Variants in PSMA1 observed in about 807,000 individuals in gnomAD.
PSMA1 encodes the protein proteasome 20S subunit alpha 1.
Under a neutral mutation model 38.4 loss-of-function variants are expected in PSMA1, and 3 were observed. The ratio of observed to expected loss-of-function variants is 0.08; its 90% CI spans 0.04 to 0.20. The LOEUF is 0.20. PSMA1 is among the 10% of genes least tolerant of loss of function. PSMA1 has a pLI of 1.00. For missense variants in PSMA1, 227 were observed against 325.3 expected (o/e 0.70, Z 2.32); for synonymous variants, 101 against 107.1 (o/e 0.94, Z 0.35).
In PSMA1 at chr11:14,576,690, G is replaced by A. The variant is rs919498597; in HGVS notation, c.21+34276C>T. On this transcript the variant is annotated intron_variant, in intron 2 of 10. Coordinates refer to the PSMA1 transcript ENST00000418988. ...CTGTTTTGTTTACTGTAGCCTTGTA[G>A]TATAGTTTGAAGTCAGATAGCATGA... Among the ~76,000 whole-genome samples the A allele has an allele frequency of 2.6e-5, 4 of 152,158 alleles. No homozygotes were observed. In the South Asian group the frequency reaches 6.2e-4, roughly 24 times the overall value.
chr11:14,627,558 T>A (rs1291064027), intron 1 of PSMA1, among the ~76,000 whole-genome samples: 1 of 152,174 alleles, frequency 6.6e-6, no homozygotes, highest in Non-Finnish European at 1.5e-5. Flanking sequence ...CTCCACCAAC[T>A]ACTAGATGTG....
At chr11:14,630,914 A>T (rs1206863337) in intron 1 of PSMA1, among the ~76,000 whole-genome samples, 2 of 152,108 alleles carry the variant, frequency 1.3e-5, no homozygotes, top group African/African-American at 4.8e-5. Context: ...GTGTCCAGGA[A>T]TTTATCCATT....
At chr11:14,608,330 T>C (rs1478846315) in intron 2 of PSMA1, among the ~76,000 whole-genome samples, 2 of 151,806 alleles carry the variant, frequency 1.3e-5, no homozygotes, top group Admixed American at 1.3e-4. Context: ...GCCTGGGTCA[T>C]ACAGCGAGAC....
chr11:14,630,773 C>G (rs1217402793), intron 1 of PSMA1, among the ~76,000 whole-genome samples: 1 of 152,002 alleles, frequency 6.6e-6, no homozygotes, highest in Non-Finnish European at 1.5e-5. Context: ...TGGTATAATT[C>G]GGCTGTGAAT....
At chr11:14,558,058 C>A (rs1851960791) in intron 2 of PSMA1, among the ~76,000 whole-genome samples, 1 of 151,946 alleles carries the variant, frequency 6.6e-6, no homozygotes, top group Admixed American at 6.6e-5. Context: ...TGCCGATAGT[C>A]AAATACAAAC....
upstream of PSMA1, among the ~76,000 whole-genome samples, chr11:14,521,885 C>T (rs952852204): frequency 6.6e-6 from 1 of 151,794 alleles, no homozygotes; most frequent in Admixed American, 6.6e-5. Flanking sequence ...TGGTTATTGT[C>T]GTATTTCTGA....
At chr11:14,517,386 G>A (rs550327071) in intron 4 of PSMA1, among the ~76,000 whole-genome samples, 2 of 152,282 alleles carry the variant, frequency 1.3e-5, no homozygotes, top group East Asian at 3.9e-4. Flanking sequence ...GGTCTCAAAC[G>A]ATATACATTG....
chr11:14,519,136 A>G (rs1851482778), intron 1 of PSMA1, 95 bp from the exon 2 acceptor site: 1 of 1,007,906 alleles, frequency 9.9e-7, no homozygotes, highest in Non-Finnish European at 1.6e-6. Context: ...TTTCCATTCA[A>G]TGTTAAGGCA....
chr11:14,527,932 C>T (rs1429545646), intron 2 of PSMA1, among the ~76,000 whole-genome samples: 1 of 152,108 alleles, frequency 6.6e-6, no homozygotes, highest in Non-Finnish European at 1.5e-5. Flanking sequence ...TATACTTACT[C>T]TTATTCTTGT....
chr11:14,508,561 CAAAAAA>C (rs60499933), intron 8 of PSMA1, among the ~76,000 whole-genome samples: 2 of 47,120 alleles, frequency 4.2e-5, no homozygotes, highest in Non-Finnish European at 7.1e-5. Flanking sequence ...CACTCCATCT[CAAAAAA>C]AAAAAAAAAA....
chr11:14,617,485 A>G (rs566069113), intron 1 of PSMA1, among the ~76,000 whole-genome samples: 69 of 152,146 alleles, frequency 4.5e-4, no homozygotes, highest in African/African-American at 1.6e-3. Context: ...TAAGCACTCA[A>G]TAATTGCTTG....
intron 2 of PSMA1, among the ~76,000 whole-genome samples, chr11:14,527,844 CTT>C (rs931398955): frequency 3.3e-5 from 5 of 152,270 alleles, no homozygotes; most frequent in Admixed American, 3.3e-4. Flanking sequence ...TTAAGTCTCT[CTT>C]TAAGTGGATA....
intron 2 of PSMA1, among the ~76,000 whole-genome samples, chr11:14,591,937 G>C (rs1244220084): frequency 6.6e-6 from 1 of 152,088 alleles, no homozygotes; most frequent in African/African-American, 2.4e-5. Context: ...TCACTCTTTA[G>C]GTCCACGCTG....
At chr11:14,537,519 A>G (rs1224053088) in intron 2 of PSMA1, among the ~76,000 whole-genome samples, 1 of 151,172 alleles carries the variant, frequency 6.6e-6, no homozygotes, top group Non-Finnish European at 1.5e-5. Context: ...GATACAGAGT[A>G]GGAAGTTGCT....
chr11:14,642,755 G>C (rs944325742), intron 1 of PSMA1, among the ~76,000 whole-genome samples: 2 of 152,188 alleles, frequency 1.3e-5, no homozygotes, highest in Admixed American at 6.5e-5. Flanking sequence ...AGTCCCTTTG[G>C]TGTAGTAAAG....
At chr11:14,580,854 G>T (rs533403430) in intron 2 of PSMA1, among the ~76,000 whole-genome samples, 1 of 152,302 alleles carries the variant, frequency 6.6e-6, no homozygotes, top group East Asian at 1.9e-4. Context: ...GGTTGTTTAA[G>T]AAGATTAGGA....
intron 2 of PSMA1, among the ~76,000 whole-genome samples, chr11:14,549,700 C>CA (rs369153742): frequency 0.012 from 863 of 74,294 alleles, 8 homozygotes; most frequent in Middle Eastern, 0.032. Flanking sequence ...GACTCCATCT[C>CA]AAAAAAAAAA....
chr11:14,581,147 G>A (rs1415505898), intron 2 of PSMA1, among the ~76,000 whole-genome samples: 2 of 152,184 alleles, frequency 1.3e-5, no homozygotes, highest in African/African-American at 4.8e-5. Flanking sequence ...ATATTGGCTG[G>A]TGAATAGTCT....
At chr11:14,592,394 A>ATATAT (rs1353768420) in intron 2 of PSMA1, among the ~76,000 whole-genome samples, 48 of 138,144 alleles carry the variant, frequency 3.5e-4, no homozygotes, top group South Asian at 2.7e-3. Flanking sequence ...ATATATATAT[A>ATATAT]TTTTTTTTTT....
Sources: allele counts gnomAD v4.1 joint callset (sites outside exome capture counted in the v4.1 genomes callset), GRCh38; gene constraint gnomAD v4.1.1; transcripts MANE v1.5; gene names NCBI Gene and HGNC (gene_info 2026-07-23, HGNC 2026-07-21).